The following MBD5 variants were observed in gnomAD, a reference collection of about 807,000 sequenced individuals.
MBD5 encodes the protein methyl-CpG-binding domain protein 5.
MBD5 carries 13 observed loss-of-function variants against 117.3 expected under a neutral mutation model. The ratio of observed to expected loss-of-function variants is 0.11; its 90% CI spans 0.07 to 0.18. The LOEUF is 0.18. Ranked by LOEUF, MBD5 falls within the 10% of genes least tolerant of loss-of-function variation. The pLI is 1.00. For synonymous variants in MBD5, 727 were observed against 766.4 expected, an observed-to-expected ratio of 0.95 and a Z score of 0.85; for missense variants, 1,879 against 2,093.8, an observed-to-expected ratio of 0.90 and a Z score of 2.00.
At position 148,144,510 on chromosome 2, in the gene MBD5, G is replaced by A. The variant is rs537787940; in HGVS notation, c.-924-34190G>A. Among the ~76,000 whole-genome samples, 3 of 152,304 alleles carry A rather than the reference G, an allele frequency of 2.0e-5. No individual in the cohort carries two copies. In the South Asian group the frequency reaches 6.2e-4, roughly 32 times the overall value. On this transcript the variant is annotated intron_variant, in intron 1 of 13. Coordinates refer to ENST00000642680, the MANE Select transcript of MBD5 (RefSeq NM_001378120.1). ...CCATTGCATTTGGTGTTTTAGTCAT[G>A]AAGTCCTTGCCCATGCCTATGTCCT... is the stretch of plus-strand genomic sequence containing the variant.
chr2:148,090,546 A>G (rs576561701), intron 1 of MBD5, among the ~76,000 whole-genome samples: 1 of 152,296 alleles, frequency 6.6e-6, no homozygotes, highest in African/African-American at 2.4e-5. Context: ...ACATACTGCA[A>G]GTAAATAAAT....
chr2:148,420,331 A>G (rs1349014025), intron 4 of MBD5, among the ~76,000 whole-genome samples: 1 of 152,194 alleles, frequency 6.6e-6, no homozygotes, highest in African/African-American at 2.4e-5. Context: ...TATTTTCAGT[A>G]ACACAGTTAG....
chr2:148,166,564 A>G (rs1015326817), intron 1 of MBD5, among the ~76,000 whole-genome samples: 3 of 151,948 alleles, frequency 2.0e-5, no homozygotes, highest in Admixed American at 6.6e-5. Context: ...ACATTAACTA[A>G]CCTCCTTTTC....
chr2:148,513,074 C>G lies in MBD5; in HGVS notation c.*133C>G, dbSNP rs1682266309. On this transcript the variant is annotated 3_prime_UTR_variant, in exon 14 of 14. Transcript: ENST00000642680. ...AGATAGCTACCACCACCACAGGGTG[C>G]TAAAAGAAACAGTGATACAAAATTT... The G allele has an allele frequency of 1.1e-6, 1 of 912,532 alleles. No homozygotes were observed. Among genetic ancestry groups the G allele is most frequent in the East Asian group, 2.6e-5 (1 of 38,386 alleles). 56.5% of individuals were successfully genotyped at this position (912,532 alleles called of 1,614,324 possible). A position where few individuals can be genotyped will look rare whatever the true frequency, so the allele number is the denominator to read the frequency against.
chr2:148,162,343 A>G (rs1019906460), intron 1 of MBD5, among the ~76,000 whole-genome samples: 1 of 152,110 alleles, frequency 6.6e-6, no homozygotes, highest in Admixed American at 6.5e-5. Flanking sequence ...ATCTTCACTC[A>G]TTCATTGTCT....
intron 3 of MBD5, among the ~76,000 whole-genome samples, chr2:148,256,914 C>T (rs1049944221): frequency 4.6e-5 from 7 of 152,224 alleles, no homozygotes; most frequent in Admixed American, 4.6e-4. Flanking sequence ...CAAGTAGGCA[C>T]TCCACTTTGC....
rs556885992 is a variant in MBD5 at position 148,102,289 on chromosome 2, G to T, written c.-924-76411G>T. On this transcript the variant is annotated intron_variant, in intron 1 of 13. Coordinates refer to ENST00000642680, the MANE Select transcript of MBD5 (RefSeq NM_001378120.1). ...ACCTAAGTTAAGATTTTACAAAGGC[G>T]GTTTCAAAAAAATCAAAAAACAAAA... 9.0e-4 allele frequency among the ~76,000 whole-genome samples: 137 copies of T among 152,134 alleles called. 1 individual carries two copies. The highest frequency in any genetic ancestry group is 3.3e-3 in the African/African-American group (137 of 41,514).
chr2:148,212,914 T>G (rs1699461051), intron 2 of MBD5, among the ~76,000 whole-genome samples: 1 of 152,180 alleles, frequency 6.6e-6, no homozygotes, highest in Admixed American at 6.6e-5. Flanking sequence ...GCCCAGTGTG[T>G]TTTACCTTAT....
At chr2:148,459,637 A>T (rs1408697536) in intron 5 of MBD5, among the ~76,000 whole-genome samples, 4 of 152,212 alleles carry the variant, frequency 2.6e-5, no homozygotes, top group Non-Finnish European at 5.9e-5. Flanking sequence ...AACTTTTTAA[A>T]AGGTATCACA....
intron 3 of MBD5, among the ~76,000 whole-genome samples, chr2:148,292,765 C>G (rs1701528044): frequency 6.6e-6 from 1 of 152,080 alleles, no homozygotes; most frequent in African/African-American, 2.4e-5. Flanking sequence ...TATATCTGTG[C>G]ACTCCCAAGT....
intron 1 of MBD5, among the ~76,000 whole-genome samples, chr2:148,120,482 T>C (rs944870516): frequency 6.6e-6 from 1 of 152,258 alleles, no homozygotes; most frequent in African/African-American, 2.4e-5. Context: ...AAATGCTTTG[T>C]AGTTTTCACA....
intron 2 of MBD5, among the ~76,000 whole-genome samples, chr2:148,201,177 T>C (rs1185664622): frequency 1.3e-5 from 2 of 152,216 alleles, no homozygotes; most frequent in Admixed American, 6.5e-5. Context: ...ATCCCACGGC[T>C]CCTGCAACTG....
intron 8 of MBD5, chr2:148,472,279 A>G (rs1471866005): frequency 6.6e-6 from 1 of 152,096 alleles, no homozygotes. Context: ...TTAAAAATTT[A>G]TTAGTGTCAG....
At chr2:148,190,865 T>C (rs934483108) in intron 2 of MBD5, among the ~76,000 whole-genome samples, 5 of 85,218 alleles carry the variant, frequency 5.9e-5, no homozygotes, top group Non-Finnish European at 1.2e-4. Context: ...GAAACCCATC[T>C]CACGTGCAGA....
At chr2:148,485,661 C>T in intron 9 of MBD5, 81 bp from the exon 10 acceptor site, 2 of 1,079,738 alleles carry the variant, frequency 1.9e-6, no homozygotes, top group Non-Finnish European at 2.8e-6. Flanking sequence ...GTTTCTGTTT[C>T]AGGAATTCTC....
chr2:148,130,335 C>T (rs1697008029), intron 1 of MBD5, among the ~76,000 whole-genome samples: 1 of 152,120 alleles, frequency 6.6e-6, no homozygotes, highest in South Asian at 2.1e-4. Flanking sequence ...TGACCCTGTA[C>T]ATCTCAGATG....
chr2:148,509,930 A>C, intron 12 of MBD5, 130 bp from the exon 13 acceptor site: 1 of 714,258 alleles, frequency 1.4e-6, no homozygotes, highest in East Asian at 2.7e-5. Context: ...TTGTCATCTG[A>C]ATTTTCCAAA....
intron 12 of MBD5, among the ~76,000 whole-genome samples, chr2:148,506,337 C>T (rs763156121): frequency 3.3e-5 from 5 of 152,144 alleles, no homozygotes; most frequent in Admixed American, 1.3e-4. Flanking sequence ...TCTATATGTA[C>T]GTATACATTT....
In MBD5 at chr2:148,462,607, T is replaced by C. The variant is rs748003857; in HGVS notation, c.139T>C (p.Leu47=). The change falls in exon 6 of 14, where the codon TTG becomes CTG. Residue 47 remains leucine, a synonymous_variant. Coordinates refer to ENST00000642680, the MANE Select transcript of MBD5 (RefSeq NM_001378120.1). The part of the protein sequence containing the change: ...VSPSGSLLSC[L]EQVKTYLLTD... ...TCCCAGTGGGTCTTTGTTATCTTGC[T>C]TGGAGCAGGTTAAAACATACCTGCT... 2 of 1,612,080 alleles carry C rather than the reference T, an allele frequency of 1.2e-6. No individual in the cohort carries two copies. The highest frequency in any genetic ancestry group is 3.3e-4 in the Middle Eastern group (2 of 6,050).
Sources: gnomAD v4.1 joint callset for allele counts (sites outside exome capture counted in the v4.1 genomes callset) on GRCh38, gnomAD v4.1.1 for gene constraint, MANE v1.5 for transcripts, NCBI Gene and HGNC (gene_info 2026-07-23, HGNC 2026-07-21) for gene names.